The following DLD variants were observed in gnomAD, a reference collection of about 807,000 sequenced individuals.
DLD encodes the protein dihydrolipoyl dehydrogenase, mitochondrial.
DLD carries 36 observed loss-of-function variants against 62.2 expected under a neutral mutation model. That is an observed-to-expected ratio of 0.58 (90% CI 0.44 to 0.76). The LOEUF (loss-of-function observed/expected upper bound fraction) is 0.76. Among genes scored for constraint, DLD ranks in the 30% least tolerant of loss-of-function variants. The pLI, the probability that DLD is intolerant of heterozygous loss-of-function variation, is 0.00. For synonymous variants in DLD, 204 were observed against 199.6 expected (o/e 1.02, Z -0.19); for missense variants, 541 against 608.6 (o/e 0.89, Z 1.17).
At chr7:107,918,891 G>T in intron 12 of DLD, 119 bp from the exon 13 acceptor site, 1 of 853,880 alleles carries the variant, frequency 1.2e-6, no homozygotes, top group Non-Finnish European at 1.9e-6. Context: ...TTCTTCAACT[G>T]ATAAAGAAAC....
At position 107,915,493 on chromosome 7, in the gene DLD, A is replaced by C; in HGVS notation, c.685-13A>C. The C allele has an allele frequency of 6.2e-7, 1 of 1,613,286 alleles. No homozygotes were observed. The highest frequency in any genetic ancestry group is 1.7e-5 in the Admixed American group (1 of 59,978). The stretch of plus-strand genomic sequence containing the variant: ...ACTTTTATGATTATTGGGTTTTTTT[A>C]ATTTATTTGCAGGGTTCAGTTTGGC... On this transcript the variant is annotated splice_polypyrimidine_tract_variant and intron_variant, in intron 8 of 13. Coordinates refer to ENST00000205402, the MANE Select transcript of DLD (RefSeq NM_000108.5).
intron 2 of DLD, among the ~76,000 whole-genome samples, chr7:107,899,090 C>T (rs2031810161): frequency 6.6e-6 from 1 of 151,962 alleles, no homozygotes; most frequent in Non-Finnish European, 1.5e-5. Flanking sequence ...AGTTTTCTTC[C>T]ATTAACATTT....
Position 107,891,235 on chromosome 7 carries a change from A to G in DLD, c.-16A>G, listed in dbSNP as rs539886995. On this transcript the variant is annotated 5_prime_UTR_variant, in exon 1 of 14. Coordinates refer to ENST00000205402, the MANE Select transcript of DLD (RefSeq NM_000108.5). ...GGAGGTGAAAGTATTGGCGGAAAGG[A>G]AAATACAGCGGAAAAATGCAGAGCT... The G allele has an allele frequency of 9.9e-6, 16 of 1,614,080 alleles. No homozygotes were observed. In the South Asian group the frequency reaches 1.2e-4, roughly 12 times the overall value.
At chr7:107,911,672 A>G (rs1175138104) in intron 8 of DLD, among the ~76,000 whole-genome samples, 1 of 151,914 alleles carries the variant, frequency 6.6e-6, no homozygotes, top group Non-Finnish European at 1.5e-5. Flanking sequence ...GTGGTTGTGT[A>G]GTAGTAACTC....
intron 1 of DLD, chr7:107,891,643 C>T (rs1584453955): frequency 6.5e-6 from 3 of 462,494 alleles, no homozygotes; most frequent in Non-Finnish European, 8.0e-6. Context: ...TATAGTCTGG[C>T]TTTTTATACC....
intron 2 of DLD, among the ~76,000 whole-genome samples, chr7:107,899,355 T>C (rs1352639864): frequency 6.6e-6 from 1 of 150,858 alleles, no homozygotes; most frequent in Non-Finnish European, 1.5e-5. Flanking sequence ...ATTTTTGGTA[T>C]TTTCTGAAGT....
intron 1 of DLD, among the ~76,000 whole-genome samples, chr7:107,892,428 C>T (rs2031606422): frequency 6.6e-6 from 1 of 152,044 alleles, no homozygotes; most frequent in Non-Finnish European, 1.5e-5. Flanking sequence ...TAAGTAAATA[C>T]GGACTGTATA....
At chr7:107,910,618 C>T (rs1356047498) in intron 8 of DLD, among the ~76,000 whole-genome samples, 1 of 152,136 alleles carries the variant, frequency 6.6e-6, no homozygotes, top group Non-Finnish European at 1.5e-5. Context: ...TTCAACTCTG[C>T]CTCTTACTGA....
At chr7:107,910,617 G>A (rs1462441949) in intron 8 of DLD, among the ~76,000 whole-genome samples, 1 of 152,022 alleles carries the variant, frequency 6.6e-6, no homozygotes, top group South Asian at 2.1e-4. Context: ...TTTCAACTCT[G>A]CCTCTTACTG....
chr7:107,905,108 C>A, intron 6 of DLD, 50 bp downstream of exon 6: 1 of 1,328,822 alleles, frequency 7.5e-7, no homozygotes, highest in Non-Finnish European at 1.1e-6. Flanking sequence ...ACAAATTAAA[C>A]TTTGCATTAT....
intron 8 of DLD, among the ~76,000 whole-genome samples, chr7:107,914,094 C>CT (rs956336529): frequency 6.6e-6 from 1 of 152,020 alleles, no homozygotes; most frequent in East Asian, 1.9e-4. Context: ...GGTGAATGAT[C>CT]TTTTTATGTG....
At chr7:107,912,674 T>G (rs1449870395) in intron 8 of DLD, among the ~76,000 whole-genome samples, 4 of 152,124 alleles carry the variant, frequency 2.6e-5, no homozygotes, top group East Asian at 1.9e-4. Flanking sequence ...TAAAATTGAA[T>G]TTTTTTGAGC....
chr7:107,904,582 T>C (rs79368866), intron 5 of DLD: 4 of 412,364 alleles, frequency 9.7e-6, no homozygotes, highest in Middle Eastern at 4.6e-4. Flanking sequence ...ATTTGTTTTG[T>C]TTCATGAAAT....
intron 8 of DLD, among the ~76,000 whole-genome samples, chr7:107,914,554 T>C (rs1347881168): frequency 1.3e-5 from 2 of 152,174 alleles, no homozygotes; most frequent in African/African-American, 4.8e-5. Flanking sequence ...CTTTTATATA[T>C]ACGTATTGTT....
At position 107,891,214 on chromosome 7, in the gene DLD, G is replaced by T. The variant is rs1415158023; in HGVS notation, c.-37G>T. 6.2e-7 allele frequency: 1 copy of T among 1,613,734 alleles called. No individual in the cohort carries two copies. The highest frequency in any genetic ancestry group is 8.5e-7 in the Non-Finnish European group (1 of 1,179,662). ...GGAGCGGCGGAGGCGCCCAGCGGAG[G>T]TGAAAGTATTGGCGGAAAGGAAAAT... is the stretch of plus-strand genomic sequence containing the variant. On this transcript the variant is annotated 5_prime_UTR_variant, in exon 1 of 14. Coordinates refer to ENST00000205402, the MANE Select transcript of DLD (RefSeq NM_000108.5).
Position 107,902,403 on chromosome 7 carries a change from T to C in DLD, c.267+10T>C. 1 of 1,613,198 alleles carries C rather than the reference T, an allele frequency of 6.2e-7. No individual in the cohort carries two copies. Among genetic ancestry groups the C allele is most frequent in the Non-Finnish European group, 8.5e-7 (1 of 1,179,232 alleles). ...TTGTATTCCTTCTAAGGTGAGCATG[T>C]GTTTTGTACAGCACAGAGATTGTTT... On this transcript the variant is annotated intron_variant, in intron 4 of 13. Coordinates refer to ENST00000205402, the MANE Select transcript of DLD (RefSeq NM_000108.5).
At chr7:107,899,804 T>A (rs977545091) in intron 2 of DLD, among the ~76,000 whole-genome samples, 1 of 151,978 alleles carries the variant, frequency 6.6e-6, no homozygotes, top group African/African-American at 2.4e-5. Context: ...GTTTTTTTTT[T>A]AATTTTGCTT....
chr7:107,896,822 AT>A (rs2031736490), intron 2 of DLD, among the ~76,000 whole-genome samples: 1 of 151,144 alleles, frequency 6.6e-6, no homozygotes, highest in South Asian at 2.1e-4. Flanking sequence ...CTTTTTAAAA[AT>A]CTGGTTTTGT....
At chr7:107,895,722 A>T (rs1383238555) in intron 2 of DLD, among the ~76,000 whole-genome samples, 1 of 152,220 alleles carries the variant, frequency 6.6e-6, no homozygotes, top group African/African-American at 2.4e-5. Context: ...AATGACATCT[A>T]TATATGGATT....
Sources: allele counts gnomAD v4.1 joint callset (sites outside exome capture counted in the v4.1 genomes callset), GRCh38; gene constraint gnomAD v4.1.1; transcripts MANE v1.5; gene names NCBI Gene and HGNC (gene_info 2026-07-23, HGNC 2026-07-21).